The following PPP2R2C variants were observed in gnomAD, a reference collection of about 807,000 sequenced individuals.
PPP2R2C encodes protein phosphatase 2 regulatory subunit Bgamma.
A neutral mutation model predicts 45.3 loss-of-function variants in PPP2R2C; 10 were observed. The ratio of observed to expected loss-of-function variants is 0.22; its 90% CI spans 0.14 to 0.37. PPP2R2C has a LOEUF of 0.37. Ranked by LOEUF, PPP2R2C falls within the 10% of genes least tolerant of loss-of-function variation. PPP2R2C has a pLI of 1.00. For synonymous variants in PPP2R2C, 257 were observed against 245.4 expected (o/e 1.05, Z -0.44); for missense variants, 308 against 619.7 (o/e 0.50, Z 5.34).
intron 1 of PPP2R2C, among the ~76,000 whole-genome samples, chr4:6,454,974 C>T (rs889802422): frequency 2.6e-5 from 4 of 152,190 alleles, no homozygotes; most frequent in African/African-American, 9.7e-5. Context: ...GTGCACCACA[C>T]GGCTCCTCCC....
chr4:6,329,264 G>A lies in PPP2R2C; in HGVS notation c.1050C>T (p.Asp350=), dbSNP rs1732204892. 3 of 1,613,706 alleles carry A rather than the reference G, an allele frequency of 1.9e-6. No individual in the cohort carries two copies. Among genetic ancestry groups the A allele is most frequent in the Non-Finnish European group, 2.5e-6 (3 of 1,179,654 alleles). ...TGCGGGCTGAGGTCAGGGCTTACCTGTCGCTCCCGTTCCAGGCACATTCAA... is the reference window on the plus strand; with the variant it reads ...TGCGGGCTGAGGTCAGGGCTTACCTATCGCTCCCGTTCCAGGCACATTCAA... ...DKFECAWNGS[D]SVIMTGAYNN... Residue 350 remains aspartate, a splice_region_variant and synonymous_variant, in exon 8 of 9, where the codon GAC becomes GAT. Coordinates refer to ENST00000382599, the MANE Select transcript of PPP2R2C (RefSeq NM_020416.4). This position sits in a 1 kb window ranked among gnomAD's most constrained non-coding sequence, Gnocchi z 5.8.
At chr4:6,382,820 G>T in intron 1 of PPP2R2C, 1 of 1,044,976 alleles carries the variant, frequency 9.6e-7, no homozygotes, top group Non-Finnish European at 1.2e-6. Flanking sequence ...CCCTGGCTAT[G>T]ACGTAGCCTC....
intron 5 of PPP2R2C, among the ~76,000 whole-genome samples, chr4:6,355,386 G>T (rs1391544343): frequency 6.6e-6 from 1 of 152,116 alleles, no homozygotes; most frequent in East Asian, 1.9e-4. Flanking sequence ...AACTCCCGGG[G>T]AGGGATAGCA....
intron 1 of PPP2R2C, among the ~76,000 whole-genome samples, chr4:6,547,762 C>T (rs937797518): frequency 1.3e-5 from 2 of 152,138 alleles, no homozygotes; most frequent in Non-Finnish European, 2.9e-5. Context: ...CATCCATATG[C>T]AAAAACGCAA....
At chr4:6,351,451 C>G in intron 5 of PPP2R2C, 1 of 703,490 alleles carries the variant, frequency 1.4e-6, no homozygotes, top group Non-Finnish European at 1.7e-6. Flanking sequence ...TCGAGCACCC[C>G]ATGTATAGGC....
intron 1 of PPP2R2C, among the ~76,000 whole-genome samples, chr4:6,542,702 C>CAAAAAA (rs10691194): frequency 1.9e-4 from 5 of 26,966 alleles, no homozygotes; most frequent in East Asian, 2.2e-3. Context: ...GACTCTGTCT[C>CAAAAAA]AAAAAAAAAA....
chr4:6,474,251 C>T (rs2108773507), upstream of PPP2R2C, among the ~76,000 whole-genome samples: 1 of 152,018 alleles, frequency 6.6e-6, no homozygotes, highest in South Asian at 2.1e-4. Flanking sequence ...ACCCCCTCAC[C>T]TCTCTAGCTG....
At chr4:6,534,361 C>T (rs1481688121) in intron 2 of PPP2R2C, among the ~76,000 whole-genome samples, 3 of 149,688 alleles carry the variant, frequency 2.0e-5, no homozygotes, top group African/African-American at 4.9e-5. Flanking sequence ...CACATCAATA[C>T]GTACACTAAC....
intron 1 of PPP2R2C, among the ~76,000 whole-genome samples, chr4:6,542,478 G>T (rs561293210): frequency 6.6e-6 from 1 of 152,284 alleles, no homozygotes; most frequent in Admixed American, 6.5e-5. Flanking sequence ...CGAATCACCT[G>T]AAGTCAGGAG....
At chr4:6,413,481 T>C (rs10213596) in intron 1 of PPP2R2C, among the ~76,000 whole-genome samples, 41,416 of 152,104 alleles carry the variant, frequency 0.27, 6,025 homozygotes, top group Admixed American at 0.39. Context: ...TTATGGAGCA[T>C]ACTTAGTGAG....
intron 1 of PPP2R2C, among the ~76,000 whole-genome samples, chr4:6,420,590 C>T (rs1279752840): frequency 6.6e-6 from 1 of 152,168 alleles, no homozygotes; most frequent in Non-Finnish European, 1.5e-5. Context: ...TGACTCCCAC[C>T]TGCTTAGGTC....
At chr4:6,521,990 T>C (rs996429580) in intron 2 of PPP2R2C, among the ~76,000 whole-genome samples, 1 of 152,070 alleles carries the variant, frequency 6.6e-6, no homozygotes, top group African/African-American at 2.4e-5. Flanking sequence ...CCTAAGCCAA[T>C]GGCTTTGGGG....
At chr4:6,542,000 G>A in intron 1 of PPP2R2C, among the ~76,000 whole-genome samples, 1 of 152,216 alleles carries the variant, frequency 6.6e-6, no homozygotes, top group East Asian at 1.9e-4. Flanking sequence ...GTACTTTAAG[G>A]GATTCATGAC....
At chr4:6,550,549 G>C (rs553039805) in intron 1 of PPP2R2C, among the ~76,000 whole-genome samples, 2 of 152,332 alleles carry the variant, frequency 1.3e-5, no homozygotes, top group African/African-American at 4.8e-5. Flanking sequence ...ACTCTGGGAA[G>C]CACAGACAGA....
intron 3 of PPP2R2C, among the ~76,000 whole-genome samples, 189 bp from the exon 4 acceptor site, chr4:6,376,120 G>A (rs542251247): frequency 7.2e-5 from 11 of 152,282 alleles, no homozygotes; most frequent in East Asian, 1.9e-4. Flanking sequence ...TGCAGATTTC[G>A]GAACGGCCAG....
At chr4:6,533,818 C>T (rs7435598) in intron 2 of PPP2R2C, among the ~76,000 whole-genome samples, 136,186 of 152,138 alleles carry the variant, frequency 0.9, 62,818 homozygotes, top group East Asian at 1. Flanking sequence ...CCCGTCGACC[C>T]GGGTGGCCGT....
At chr4:6,333,418 G>T in intron 7 of PPP2R2C, 144 bp downstream of exon 7, 1 of 942,236 alleles carries the variant, frequency 1.1e-6, no homozygotes, top group Non-Finnish European at 1.6e-6. Flanking sequence ...GTGGGGATGA[G>T]TTGCTGGATT....
Position 6,345,589 on chromosome 4 carries a change from G to A in PPP2R2C, c.790+2257C>T, listed in dbSNP as rs1711797180. 1.3e-5 allele frequency among the ~76,000 whole-genome samples: 2 copies of A among 152,234 alleles called. No individual in the cohort carries two copies. Among genetic ancestry groups the A allele is most frequent in the South Asian group, 4.1e-4 (2 of 4,828 alleles). On this transcript the variant is annotated intron_variant, in intron 6 of 8. Transcript: ENST00000382599. The surrounding 1 kb of genome is among the most constrained non-coding windows in gnomAD (Gnocchi z 5.3). Reference sequence around the variant, plus strand: ...CTTGGCCGCTGTGGGCTGGGAGGATGGGGGAGGGGCCACGTGCCAGGGAAC... The same window carrying A: ...CTTGGCCGCTGTGGGCTGGGAGGATAGGGGAGGGGCCACGTGCCAGGGAAC...
rs559457586 is a variant in PPP2R2C at position 6,535,788 on chromosome 4, G to A, written c.-58-411C>T. 8.5e-5 allele frequency among the ~76,000 whole-genome samples: 13 copies of A among 152,222 alleles called. No individual in the cohort carries two copies. The East Asian group carries it at 2.5e-3, about 29-fold the overall frequency. Reference sequence around the variant, plus strand: ...TAGAAGCCCCGCCCCACCCCATACAGGCCCACAGCCCACTCAGGCACAGGG... The same window carrying A: ...TAGAAGCCCCGCCCCACCCCATACAAGCCCACAGCCCACTCAGGCACAGGG... On this transcript the variant is annotated intron_variant, in intron 1 of 9. Transcript: ENST00000506140.
Sources: allele counts gnomAD v4.1 joint callset (sites outside exome capture counted in the v4.1 genomes callset), GRCh38; gene constraint gnomAD v4.1.1; non-coding constraint Gnocchi (gnomAD v3.1); transcripts MANE v1.5; gene names NCBI Gene and HGNC (gene_info 2026-07-23, HGNC 2026-07-21).